Variants in MYBL1 observed in about 807,000 individuals in gnomAD.
The protein encoded by MYBL1 is myb-related protein A.
In MYBL1, 17 loss-of-function variants were observed where a neutral mutation model predicts 96.3. That is an observed-to-expected ratio of 0.18 (90% confidence interval 0.12 to 0.26). MYBL1 has a LOEUF of 0.26. Ranked by LOEUF, MYBL1 falls within the 10% of genes least tolerant of loss-of-function variation. The probability of loss-of-function intolerance (pLI) is 1.00; values close to 1 mark genes in which losing one functional copy is unlikely to be tolerated. For missense variants in MYBL1, 701 were observed against 882.9 expected, an observed-to-expected ratio of 0.79 and a Z score of 2.61; for synonymous variants, 282 against 292.7, an observed-to-expected ratio of 0.96 and a Z score of 0.37.
rs138745226 is a variant in MYBL1 at position 66,573,060 on chromosome 8, C to T, written c.1613+304G>A. The stretch of plus-strand genomic sequence containing the variant: ...TGAAACCCCATCTCTACTACATACA[C>T]AATATTAACCAGGCATGGTGGCACA... On this transcript the variant is annotated intron_variant, in intron 11 of 15. Coordinates refer to ENST00000522677, the MANE Select transcript of MYBL1 (RefSeq NM_001080416.4). Among the ~76,000 whole-genome samples, 18 of 152,042 alleles carry T rather than the reference C, an allele frequency of 1.2e-4. 1 individual carries two copies. In the East Asian group the frequency reaches 3.5e-3, roughly 29 times the overall value.
rs781766494 is a variant in MYBL1, at chr8:66,563,929, G to T, written c.*768C>A. On this transcript the variant is annotated 3_prime_UTR_variant, in exon 16 of 16. Coordinates refer to ENST00000522677, the MANE Select transcript of MYBL1 (RefSeq NM_001080416.4). ...ATTGGCTTCTAGGCACCCTGTATACGTATAAATATCTACATTTAAGCTTTA... is the reference window on the plus strand; with the variant it reads ...ATTGGCTTCTAGGCACCCTGTATACTTATAAATATCTACATTTAAGCTTTA... 1.4e-4 allele frequency: 21 copies of T among 152,182 alleles called. No individual in the cohort carries two copies. Among genetic ancestry groups the T allele is most frequent in the African/African-American group, 4.6e-4 (19 of 41,358 alleles). 9.4% of individuals were successfully genotyped at this position (152,182 alleles called of 1,614,324 possible).
intron 1 of MYBL1, among the ~76,000 whole-genome samples, chr8:66,608,861 C>T (rs1002301112): frequency 3.7e-4 from 57 of 152,064 alleles, no homozygotes; most frequent in East Asian, 1.9e-4. Context: ...TCTCTAGTCA[C>T]AAAGCAATAA....
At chr8:66,593,044 G>A (rs550991534) in intron 7 of MYBL1, 76 bp downstream of exon 7, 476 of 882,818 alleles carry the variant, frequency 5.4e-4, no homozygotes, top group Non-Finnish European at 8.2e-4. Flanking sequence ...TAATAGATGA[G>A]GAAATAGATA....
At position 66,563,544 on chromosome 8, in the gene MYBL1, T is replaced by C. The variant is rs898571706; in HGVS notation, c.*1153A>G. ...AAATATTTTTATAAATAAAAGATAATGTTCTCCACTTCTGAAACACTGAGT... is the reference window on the plus strand; with the variant it reads ...AAATATTTTTATAAATAAAAGATAACGTTCTCCACTTCTGAAACACTGAGT... On this transcript the variant is annotated 3_prime_UTR_variant, in exon 16 of 16. Coordinates refer to ENST00000522677, the MANE Select transcript of MYBL1 (RefSeq NM_001080416.4). The C allele has an allele frequency of 6.6e-6, 1 of 152,624 alleles. No individual in the cohort carries two copies. The highest frequency in any genetic ancestry group is 1.5e-5 in the Non-Finnish European group (1 of 67,984). 9.5% of individuals were successfully genotyped at this position (152,624 alleles called of 1,614,324 possible).
chr8:66,596,363 T>A (rs1264564605), intron 5 of MYBL1, among the ~76,000 whole-genome samples: 3 of 152,144 alleles, frequency 2.0e-5, no homozygotes, highest in Non-Finnish European at 4.4e-5. Flanking sequence ...TTATCTAAGG[T>A]TCCCTTTATA....
At chr8:66,576,485 T>TA in intron 9 of MYBL1, 110 bp from the exon 10 acceptor site, 1 of 1,278,332 alleles carries the variant, frequency 7.8e-7, no homozygotes, top group Non-Finnish European at 1.1e-6. Context: ...ATTTTATCAG[T>TA]AAAAATGCTT....
chr8:66,564,939 T>C lies in MYBL1; in HGVS notation c.2131-114A>G, dbSNP rs1808446477. The C allele has an allele frequency of 8.2e-6, 5 of 607,520 alleles. No individual in the cohort carries two copies. The Admixed American group carries it at 2.0e-4, about 24-fold the overall frequency. The allele number at this position is 607,520 out of a possible 1,614,324, so 37.6% of individuals were successfully genotyped here. A position where few individuals can be genotyped will look rare whatever the true frequency, so the allele number is the denominator to read the frequency against. Reference sequence around the variant, plus strand: ...GATTAGATATTTTATAAACAATAATTATAAAAATGTTTTAACAATGGCACT... The same window carrying C: ...GATTAGATATTTTATAAACAATAATCATAAAAATGTTTTAACAATGGCACT... On this transcript the variant is annotated intron_variant, in intron 15 of 15. Coordinates refer to ENST00000522677, the MANE Select transcript of MYBL1 (RefSeq NM_001080416.4).
At chr8:66,571,678 C>G (rs562236847) in intron 12 of MYBL1, among the ~76,000 whole-genome samples, 12 of 151,754 alleles carry the variant, frequency 7.9e-5, no homozygotes. Context: ...GTCAGGAGAT[C>G]GAGACCATCC....
At chr8:66,612,727 A>T in intron 1 of MYBL1, 92 bp downstream of exon 1, 1 of 1,288,166 alleles carries the variant, frequency 7.8e-7, no homozygotes, top group Non-Finnish European at 1.0e-6. Context: ...CTCGCCAGGG[A>T]GGGCCTTATG....
At chr8:66,580,858 CTT>C (rs796667192) in intron 8 of MYBL1, among the ~76,000 whole-genome samples, 3 of 137,270 alleles carry the variant, frequency 2.2e-5, no homozygotes, top group Admixed American at 8.3e-5. Context: ...GGAAGCTCTT[CTT>C]TTTTTTTTTT....
intron 8 of MYBL1, among the ~76,000 whole-genome samples, chr8:66,582,541 C>CA (rs34952299): frequency 0.044 from 2,110 of 48,292 alleles, 262 homozygotes; most frequent in African/African-American, 0.12. Context: ...TCCATCTCTA[C>CA]AAAAAAAAAA....
intron 8 of MYBL1, among the ~76,000 whole-genome samples, chr8:66,582,998 T>C (rs1809279397): frequency 6.6e-6 from 1 of 152,228 alleles, no homozygotes; most frequent in Admixed American, 6.5e-5. Context: ...TTATACTGAA[T>C]GAGCCTAACA....
At chr8:66,606,177 CTG>C (rs927006816) in intron 1 of MYBL1, among the ~76,000 whole-genome samples, 3 of 152,200 alleles carry the variant, frequency 2.0e-5, no homozygotes, top group African/African-American at 7.2e-5. Flanking sequence ...ATTACTCACT[CTG>C]TAACCTTGAA....
At chr8:66,585,356 T>TA (rs200583015) in intron 8 of MYBL1, among the ~76,000 whole-genome samples, 1,878 of 152,208 alleles carry the variant, frequency 0.012, 40 homozygotes, top group African/African-American at 0.04. Flanking sequence ...CTCACCATAT[T>TA]AAAAAAACCT....
At chr8:66,603,925 T>G (rs1298778483) in intron 1 of MYBL1, among the ~76,000 whole-genome samples, 1 of 151,594 alleles carries the variant, frequency 6.6e-6, no homozygotes, top group Non-Finnish European at 1.5e-5. Flanking sequence ...ACCAATAGAC[T>G]TTGGGAGGCA....
At chr8:66,611,995 A>T (rs1393888125) in intron 1 of MYBL1, 1 of 152,096 alleles carries the variant, frequency 6.6e-6, no homozygotes, top group African/African-American at 2.4e-5. Flanking sequence ...TACTCCACAT[A>T]ATTTATGAGT....
chr8:66,579,747 A>G (rs1259020452), intron 9 of MYBL1, among the ~76,000 whole-genome samples: 1 of 152,090 alleles, frequency 6.6e-6, no homozygotes, highest in Non-Finnish European at 1.5e-5. Flanking sequence ...ATAATACAGA[A>G]GTGTATTTTT....
chr8:66,564,967 A>AT (rs1808447505), intron 15 of MYBL1, 142 bp from the exon 16 acceptor site: 2 of 465,912 alleles, frequency 4.3e-6, no homozygotes, highest in Admixed American at 8.3e-5. Flanking sequence ...ATGGCACTGT[A>AT]TTTTTTTAAT....
intron 15 of MYBL1, 106 bp downstream of exon 15, chr8:66,565,958 T>C (rs1319854935): frequency 5.2e-5 from 43 of 822,422 alleles, no homozygotes; most frequent in Non-Finnish European, 7.9e-5. Flanking sequence ...ACTGTTACAA[T>C]CAATTTTGAA....
Sources: gnomAD v4.1 joint callset for allele counts (sites outside exome capture counted in the v4.1 genomes callset) on GRCh38, gnomAD v4.1.1 for gene constraint, MANE v1.5 for transcripts, NCBI Gene and HGNC (gene_info 2026-07-23, HGNC 2026-07-21) for gene names.